The following ATG4C variants were observed in gnomAD, a reference collection of about 807,000 sequenced individuals.
ATG4C encodes the protein autophagy related 4C cysteine peptidase.
ATG4C carries 56 observed loss-of-function variants against 57.6 expected under a neutral mutation model. The observed-to-expected ratio is 0.97, with a 90% CI of 0.78 to 1.21. The LOEUF (loss-of-function observed/expected upper bound fraction) is 1.21, where lower values mean the gene tolerates loss of function less well. Among genes scored for constraint, ATG4C ranks in the 50% most tolerant of loss-of-function variants. The pLI, the probability that ATG4C is intolerant of heterozygous loss-of-function variation, is 0.00. For synonymous variants in ATG4C, 157 were observed against 174.1 expected (o/e 0.90, Z 0.78); for missense variants, 595 against 529.8 (o/e 1.12, Z -1.21).
intron 7 of ATG4C, 150 bp downstream of exon 7, chr1:62,829,326 TTGG>T: frequency 1.1e-6 from 1 of 925,580 alleles, no homozygotes. Context: ...ATTTTAAATT[TTGG>T]TATTATAAGA....
chr1:62,804,576 A>T (rs1413943125), intron 2 of ATG4C, among the ~76,000 whole-genome samples: 1 of 152,102 alleles, frequency 6.6e-6, no homozygotes, highest in African/African-American at 2.4e-5. Context: ...CTCTTCCCAC[A>T]CAAAATAGAC....
chr1:62,797,087 A>G (rs1049957500), intron 1 of ATG4C, among the ~76,000 whole-genome samples: 4 of 152,130 alleles, frequency 2.6e-5, no homozygotes, highest in Admixed American at 2.0e-4. Flanking sequence ...TGGGTGGGCA[A>G]CAGAGCAAGA....
intron 10 of ATG4C, among the ~76,000 whole-genome samples, chr1:62,845,687 A>G (rs1666306462): frequency 6.7e-6 from 1 of 148,586 alleles, no homozygotes; most frequent in Admixed American, 6.9e-5. Context: ...GAACTTGTAT[A>G]TGTTTTATTT....
chr1:62,819,093 T>G lies in ATG4C; in HGVS notation c.483T>G (p.Phe161Leu). 6.2e-7 allele frequency: 1 copy of G among 1,612,000 alleles called. No individual in the cohort carries two copies. Residue 161 changes from phenylalanine (F) to leucine (L), a missense_variant, in exon 5 of 11, where the codon TTT becomes TTG. Physicochemically the swap from Phe to Leu is conservative, Grantham distance 22. Coordinates refer to ENST00000317868, the MANE Select transcript of ATG4C (RefSeq NM_032852.4). Reference protein sequence around the residue: ...SHTVKKFTASFEASLSGEREF... With the variant: ...SHTVKKFTASLEASLSGEREF... ...CTGTCAAAAAATTTACTGCATCATTTGAAGCATCACTTTCAGGGGAAAGAG... is the reference window on the plus strand; with the variant it reads ...CTGTCAAAAAATTTACTGCATCATTGGAAGCATCACTTTCAGGGGAAAGAG...
chr1:62,821,173 C>T lies in ATG4C; in HGVS notation c.760C>T (p.Gln254Ter). Reference sequence around the variant, plus strand: ...TGAAGAAGCAAGGCATCCTGATTTACAAGGAATAACTATTTATGTTGCACA... The same window carrying T: ...TGAAGAAGCAAGGCATCCTGATTTATAAGGAATAACTATTTATGTTGCACA... ...AVEEARHPDL[Q>*]GITIYVAQDC... Residue 254 changes from glutamine (Q) to a stop codon, truncating the protein, a stop_gained, in exon 6 of 11, where the codon CAA (glutamine) becomes TAA (stop). Coordinates refer to ENST00000317868, the MANE Select transcript of ATG4C (RefSeq NM_032852.4). LOFTEE classifies it high-confidence loss of function. 2 of 1,601,138 alleles carry T rather than the reference C, an allele frequency of 1.2e-6. No homozygotes were observed. The highest frequency in any genetic ancestry group is 1.1e-5 in the South Asian group (1 of 88,430).
chr1:62,826,594 T>C lies in ATG4C; in HGVS notation c.797-2446T>C, dbSNP rs1432055779. Among the ~76,000 whole-genome samples, 7 of 142,088 alleles carry C rather than the reference T, an allele frequency of 4.9e-5. No homozygotes were observed. In the East Asian group the frequency reaches 9.7e-4, roughly 20 times the overall value. 93.2% of individuals were successfully genotyped at this position (142,088 alleles called of 152,430 possible). ...TTCAAACCACCATCATCTCTTTTTT[T>C]CTTTCTTTTTTTTTTTAATTTAAGT... On this transcript the variant is annotated intron_variant, in intron 6 of 10. Transcript: ENST00000317868.
chr1:62,842,557 A>G (rs1440438386), intron 10 of ATG4C, among the ~76,000 whole-genome samples: 1 of 152,120 alleles, frequency 6.6e-6, no homozygotes, highest in Non-Finnish European at 1.5e-5. Context: ...TGGAACTTAT[A>G]TATAATAGTA....
chr1:62,859,207 T>A (rs1249874925), intron 10 of ATG4C, among the ~76,000 whole-genome samples: 12 of 152,206 alleles, frequency 7.9e-5, no homozygotes, highest in Non-Finnish European at 1.6e-4. Context: ...GATTTTGGAT[T>A]TTTGGATTTT....
intron 6 of ATG4C, among the ~76,000 whole-genome samples, chr1:62,825,212 G>T (rs1173646026): frequency 6.8e-6 from 1 of 146,762 alleles, no homozygotes; most frequent in African/African-American, 2.5e-5. Flanking sequence ...CTCCAGCCTG[G>T]GTGACAGAGG....
intron 9 of ATG4C, among the ~76,000 whole-genome samples, chr1:62,837,765 T>C (rs1367879693): frequency 1.3e-5 from 2 of 152,180 alleles, no homozygotes; most frequent in African/African-American, 4.8e-5. Context: ...ACATGTGAAC[T>C]GCAATTAGTA....
At chr1:62,785,617 C>G (rs774692940) in intron 1 of ATG4C, among the ~76,000 whole-genome samples, 1 of 152,152 alleles carries the variant, frequency 6.6e-6, no homozygotes, top group South Asian at 2.1e-4. Context: ...TTCTGGCTTT[C>G]TGGGGAACCA....
At chr1:62,853,915 G>A (rs11208048) in intron 10 of ATG4C, among the ~76,000 whole-genome samples, 22,120 of 151,974 alleles carry the variant, frequency 0.15, 1,704 homozygotes, top group South Asian at 0.2. Flanking sequence ...TTATTATACA[G>A]TTTGGACCTT....
chr1:62,799,715 C>T (rs958602296), intron 1 of ATG4C, among the ~76,000 whole-genome samples: 2 of 152,070 alleles, frequency 1.3e-5, no homozygotes, highest in Admixed American at 1.3e-4. Flanking sequence ...ATACTTACAT[C>T]ATGAAAAATG....
At chr1:62,789,017 G>A (rs1164346795) in intron 1 of ATG4C, among the ~76,000 whole-genome samples, 1 of 152,032 alleles carries the variant, frequency 6.6e-6, no homozygotes, top group African/African-American at 2.4e-5. Flanking sequence ...CCGAAAGTAT[G>A]TTTTCCCTTT....
chr1:62,850,377 A>G lies in ATG4C; in HGVS notation c.1209+8830A>G, dbSNP rs183042203. 1.4e-4 allele frequency among the ~76,000 whole-genome samples: 22 copies of G among 152,328 alleles called. No homozygotes were observed. The East Asian group carries it at 4.0e-3, about 28-fold the overall frequency. ...GCTCTGTCTACAGTCTAGAATCAACATAGCCGCCAGAGTGATTTTGTTTAG... is the reference window on the plus strand; with the variant it reads ...GCTCTGTCTACAGTCTAGAATCAACGTAGCCGCCAGAGTGATTTTGTTTAG... On this transcript the variant is annotated intron_variant, in intron 10 of 10. Transcript: ENST00000317868.
At chr1:62,836,718 T>C (rs1666011173) in intron 9 of ATG4C, among the ~76,000 whole-genome samples, 2 of 152,116 alleles carry the variant, frequency 1.3e-5, no homozygotes, top group South Asian at 4.1e-4. Flanking sequence ...ACCACCCTTA[T>C]ACTTCAATTA....
At chr1:62,848,222 C>T (rs1666387834) in intron 10 of ATG4C, among the ~76,000 whole-genome samples, 1 of 152,072 alleles carries the variant, frequency 6.6e-6, no homozygotes, top group South Asian at 2.1e-4. Flanking sequence ...GTTAGGTCTT[C>T]CTATTGAATT....
chr1:62,817,606 C>CA (rs1193504294), intron 4 of ATG4C, among the ~76,000 whole-genome samples: 1 of 152,074 alleles, frequency 6.6e-6, no homozygotes, highest in Non-Finnish European at 1.5e-5. Context: ...CTTGTCCTGC[C>CA]AAAATATTGG....
chr1:62,799,872 A>G (rs1239791874), intron 1 of ATG4C, among the ~76,000 whole-genome samples: 2 of 141,458 alleles, frequency 1.4e-5, no homozygotes, highest in African/African-American at 2.6e-5. Context: ...CATTCTTTCT[A>G]TTTTTTTTTT....
Sources: gnomAD v4.1 joint callset for allele counts (sites outside exome capture counted in the v4.1 genomes callset) on GRCh38, gnomAD v4.1.1 for gene constraint, MANE v1.5 for transcripts, NCBI Gene and HGNC (gene_info 2026-07-23, HGNC 2026-07-21) for gene names.